KLHL26: variants seen among roughly 807,000 people sequenced by gnomAD.
KLHL26 encodes kelch-like protein 26.
KLHL26 carries 4 observed loss-of-function variants against 7.1 expected under a neutral mutation model. The observed-to-expected ratio is 0.56, with a 90% CI of 0.28 to 1.28. The LOEUF (loss-of-function observed/expected upper bound fraction) is 1.28, where lower values mean the gene tolerates loss of function less well. Ranked by LOEUF, KLHL26 falls within the 50% of genes most tolerant of loss-of-function variation. The probability of loss-of-function intolerance (pLI) is 0.11; values close to 1 mark genes in which losing one functional copy is unlikely to be tolerated. For missense variants in KLHL26, 896 were observed against 924.6 expected (o/e 0.97, Z 0.40); for synonymous variants, 465 against 414.1 (o/e 1.12, Z -1.49).
chr19:18,652,371 C>T (rs1490061436), intron 1 of KLHL26, among the ~76,000 whole-genome samples: 2 of 152,038 alleles, frequency 1.3e-5, no homozygotes, highest in Non-Finnish European at 2.9e-5. Flanking sequence ...GGGCAGATCA[C>T]CTGAGGCCGA....
chr19:18,637,083 G>T lies in KLHL26; in HGVS notation c.29G>T (p.Gly10Val). 1 of 1,389,418 alleles carries T rather than the reference G, an allele frequency of 7.2e-7. No homozygotes were observed. Among genetic ancestry groups the T allele is most frequent in the African/African-American group, 1.5e-5 (1 of 66,196 alleles). The allele number at this position is 1,389,418 out of a possible 1,614,324, so 86.1% of individuals were successfully genotyped here. A position where few individuals can be genotyped will look rare whatever the true frequency, so the allele number is the denominator to read the frequency against. ...GCGGAGTCCGGCGGTAGCAGCGGTGGTGCTGGTGGCGGCGGCGCTTTCGGC... is the reference window on the plus strand; with the variant it reads ...GCGGAGTCCGGCGGTAGCAGCGGTGTTGCTGGTGGCGGCGGCGCTTTCGGC... MAESGGSSGGAGGGGAFGAG... is the reference protein window; with the variant it reads MAESGGSSGVAGGGGAFGAG... The change falls in exon 1 of 3, where the codon GGT becomes GTT. Residue 10 changes from glycine (G) to valine (V), a missense_variant. Gly to Val is a moderately radical substitution (Grantham distance 109). Coordinates refer to ENST00000300976, the MANE Select transcript of KLHL26 (RefSeq NM_018316.3).
chr19:18,664,020 C>T (rs2052418054), intron 1 of KLHL26, among the ~76,000 whole-genome samples: 1 of 152,170 alleles, frequency 6.6e-6, no homozygotes, highest in African/African-American at 2.4e-5. Flanking sequence ...AGAACATTCT[C>T]ATCCCTCCAA....
At position 18,669,059 on chromosome 19, in the gene KLHL26, C is replaced by T; in HGVS notation, c.1662C>T (p.Cys554=). The T allele has an allele frequency of 6.2e-7, 1 of 1,612,800 alleles. No individual in the cohort carries two copies. The highest frequency in any genetic ancestry group is 1.7e-5 in the Admixed American group (1 of 60,024). Residue 554 remains cysteine (C), a synonymous_variant, in exon 3 of 3, where the codon TGC becomes TGT. Transcript: ENST00000300976. ...GGGCCGGCCAGTCAGAGGCCGGCTG[C>T]TGCCTGCTGGAGAGGAAGATCTACA... ...PMRAGQSEAG[C]CLLERKIYIV...
chr19:18,665,516 C>T (rs913932599), intron 2 of KLHL26, among the ~76,000 whole-genome samples: 5 of 152,214 alleles, frequency 3.3e-5, no homozygotes, highest in Admixed American at 6.5e-5. Context: ...CATCGAGGGC[C>T]GCAGAGACCC....
At chr19:18,638,545 A>T (rs1342548910) in intron 1 of KLHL26, among the ~76,000 whole-genome samples, 1 of 152,100 alleles carries the variant, frequency 6.6e-6, no homozygotes, top group Non-Finnish European at 1.5e-5. Context: ...GAGCCAGGAG[A>T]TGTCAGAGGA....
intron 1 of KLHL26, among the ~76,000 whole-genome samples, chr19:18,641,477 C>A (rs1157419499): frequency 6.6e-6 from 1 of 151,706 alleles, no homozygotes; most frequent in African/African-American, 2.4e-5. Context: ...TGCTACCACA[C>A]CCGGCTAATT....
At chr19:18,637,424 G>T (rs1043394166) in intron 1 of KLHL26, among the ~76,000 whole-genome samples, 4 of 152,064 alleles carry the variant, frequency 2.6e-5, no homozygotes, top group African/African-American at 4.8e-5. Context: ...CTTGACTGTG[G>T]TGGGCCGTGG....
intron 1 of KLHL26, among the ~76,000 whole-genome samples, chr19:18,657,046 T>C (rs1006814949): frequency 1.3e-5 from 2 of 151,786 alleles, no homozygotes; most frequent in Non-Finnish European, 2.9e-5. Context: ...TGTTTCTGCA[T>C]CTCTGTCCCT....
rs867784747 is a variant in KLHL26, at chr19:18,639,932, C to T, written c.83+2795C>T. 4.6e-5 allele frequency among the ~76,000 whole-genome samples: 7 copies of T among 152,070 alleles called. No individual in the cohort carries two copies. The South Asian group carries it at 6.2e-4, about 14-fold the overall frequency. On this transcript the variant is annotated intron_variant, in intron 1 of 2. Transcript: ENST00000300976. ...AATGGAATCAGACATGTGGCCTTTA[C>T]GTCTGGTTTCTTTCCTTAACATAAT...
intron 1 of KLHL26, 64 bp downstream of exon 1, chr19:18,637,201 C>A: frequency 7.9e-7 from 1 of 1,261,296 alleles, no homozygotes; most frequent in South Asian, 3.1e-5. Context: ...TGTGGGCAGT[C>A]TTGGGCGTCC....
intron 1 of KLHL26, among the ~76,000 whole-genome samples, chr19:18,655,848 TC>T (rs2052326579): frequency 6.7e-6 from 1 of 150,330 alleles, no homozygotes; most frequent in African/African-American, 2.5e-5. Context: ...CATAATGTCT[TC>T]CTGTCCATTG....
intron 1 of KLHL26, among the ~76,000 whole-genome samples, chr19:18,655,609 T>G (rs1236924566): frequency 7.3e-6 from 1 of 136,878 alleles, no homozygotes; most frequent in Non-Finnish European, 1.6e-5. Flanking sequence ...GACTGGGTGC[T>G]CCCTCGGTCC....
At chr19:18,659,628 A>G (rs548951917) in intron 1 of KLHL26, 2 of 151,750 alleles carry the variant, frequency 1.3e-5, no homozygotes, top group South Asian at 4.2e-4. Flanking sequence ...AAATGTTTCC[A>G]TGAAATTCTT....
Position 18,669,241 on chromosome 19 carries a change from G to A in KLHL26, c.1844G>A (p.Arg615Lys). The A allele has an allele frequency of 1.9e-6, 3 of 1,608,096 alleles. No homozygotes were observed. The highest frequency in any genetic ancestry group is 1.3e-5 in the African/African-American group (1 of 75,022). The change falls in exon 3 of 3, where the codon AGG (arginine) becomes AAG (lysine). Residue 615 changes from arginine to lysine, a missense_variant. By Grantham distance (26) the Arg-to-Lys change is conservative. Coordinates refer to ENST00000300976, the MANE Select transcript of KLHL26 (RefSeq NM_018316.3). ...CTGCTGCCCCGGGCCGGGACCAGGA[G>A]GTAGCCCCCAAGACCCCCGGGACCC... ...PVLLPRAGTR[R>K]
Position 18,647,944 on chromosome 19 carries a change from C to T in KLHL26, c.83+10807C>T, listed in dbSNP as rs1169598723. ...TGAAGGGTCCATGGGACAGATGGAC[C>T]CTGCCCATGGGGCGCATACATGCCA... On this transcript the variant is annotated intron_variant, in intron 1 of 2. Transcript: ENST00000300976. Among the ~76,000 whole-genome samples the T allele has an allele frequency of 3.9e-5, 6 of 152,168 alleles. No individual in the cohort carries two copies. The East Asian group carries it at 1.2e-3, about 29-fold the overall frequency.
chr19:18,641,586 T>C (rs569750936), intron 1 of KLHL26, among the ~76,000 whole-genome samples: 1 of 151,666 alleles, frequency 6.6e-6, no homozygotes, highest in South Asian at 2.1e-4. Flanking sequence ...CCCAAAGTGC[T>C]GGGATTAGAG....
At chr19:18,655,873 C>CGGTGGGG in intron 1 of KLHL26, among the ~76,000 whole-genome samples, 1 of 152,256 alleles carries the variant, frequency 6.6e-6, no homozygotes, top group South Asian at 2.1e-4. Flanking sequence ...GCAGTCAGAG[C>CGGTGGGG]CCCACACATC....
In KLHL26 at chr19:18,648,438, G is replaced by C. The variant is rs934811294; in HGVS notation, c.83+11301G>C. Among the ~76,000 whole-genome samples, 1 of 152,184 alleles carries C rather than the reference G, an allele frequency of 6.6e-6. No homozygotes were observed. Among genetic ancestry groups the C allele is most frequent in the African/African-American group, 2.4e-5 (1 of 41,446 alleles). On this transcript the variant is annotated intron_variant, in intron 1 of 2. Transcript: ENST00000300976. The surrounding 1 kb of genome is among the most constrained non-coding windows in gnomAD (Gnocchi z 4.9). ...GGGATGGAGAGGCACACGCAGGCTT[G>C]GGGATGCCTGGAGGTTGAGCTTGTG... is the stretch of plus-strand genomic sequence containing the variant.
In KLHL26 at chr19:18,657,902, T is replaced by G. The variant is rs544523405; in HGVS notation, c.84-6359T>G. On this transcript the variant is annotated intron_variant, in intron 1 of 2. Coordinates refer to ENST00000300976, the MANE Select transcript of KLHL26 (RefSeq NM_018316.3). ...ACGTGAGCGTGGGGGCCGGAGCGTT[T>G]GAGGGCCAGCATGAGGTGCCGGAAC... Among the ~76,000 whole-genome samples the G allele has an allele frequency of 2.4e-4, 37 of 152,210 alleles. No individual in the cohort carries two copies. The East Asian group carries it at 5.4e-3, about 22-fold the overall frequency.
Sources: gnomAD v4.1 joint callset for allele counts (sites outside exome capture counted in the v4.1 genomes callset) on GRCh38, gnomAD v4.1.1 for gene constraint, Gnocchi (gnomAD v3.1) non-coding constraint, MANE v1.5 for transcripts, NCBI Gene and HGNC (gene_info 2026-07-23, HGNC 2026-07-21) for gene names.